SYT1: variants seen among roughly 807,000 people sequenced by gnomAD.
SYT1 encodes the protein synaptotagmin-1.
Under a neutral mutation model 44.8 loss-of-function variants are expected in SYT1, and 8 were observed. The ratio of observed to expected loss-of-function variants is 0.18; its 90% CI spans 0.10 to 0.32. The LOEUF (loss-of-function observed/expected upper bound fraction) is 0.32, where lower values mean the gene tolerates loss of function less well. Ranked by LOEUF, SYT1 falls within the 10% of genes least tolerant of loss-of-function variation. The pLI is 1.00. For synonymous variants in SYT1, 154 were observed against 188.8 expected (o/e 0.82, Z 1.51); for missense variants, 286 against 509.3 (o/e 0.56, Z 4.22).
chr12:79,180,813 T>C (rs1194106165), intron 3 of SYT1, among the ~76,000 whole-genome samples: 2 of 152,038 alleles, frequency 1.3e-5, no homozygotes, highest in Non-Finnish European at 2.9e-5. Context: ...TTGGGTGATA[T>C]GGTTTGGCTG....
At chr12:78,947,827 G>A (rs1310739307) in intron 1 of SYT1, among the ~76,000 whole-genome samples, 5 of 151,094 alleles carry the variant, frequency 3.3e-5, no homozygotes, top group African/African-American at 1.2e-4. Context: ...TAAAAAGGTT[G>A]AGTCTCTACA....
intron 9 of SYT1, among the ~76,000 whole-genome samples, chr12:79,370,887 T>G (rs1308692387): frequency 6.6e-6 from 1 of 152,152 alleles, no homozygotes; most frequent in Non-Finnish European, 1.5e-5. Flanking sequence ...TTCTAAAGTT[T>G]CATTTTAAAA....
At chr12:78,908,222 T>A (rs1240168436) in intron 1 of SYT1, among the ~76,000 whole-genome samples, 1 of 151,958 alleles carries the variant, frequency 6.6e-6, no homozygotes, top group Non-Finnish European at 1.5e-5. Flanking sequence ...AGTTTCCTCA[T>A]ATCCACAATC....
At chr12:79,044,686 TGGA>T (rs1199422098) in intron 2 of SYT1, among the ~76,000 whole-genome samples, 1 of 150,578 alleles carries the variant, frequency 6.6e-6, no homozygotes, top group African/African-American at 2.5e-5. Flanking sequence ...TGCGTTCCTT[TGGA>T]GGAGGAGAGG....
chr12:79,020,764 TTAAA>T (rs1418908024), intron 2 of SYT1, among the ~76,000 whole-genome samples: 1 of 151,924 alleles, frequency 6.6e-6, no homozygotes. Context: ...ATTCTAATGT[TTAAA>T]TAGCATTTAC....
intron 3 of SYT1, among the ~76,000 whole-genome samples, chr12:79,102,273 TC>T (rs1426571165): frequency 3.2e-4 from 34 of 106,928 alleles, no homozygotes; most frequent in African/African-American, 1.2e-3. Context: ...TCTCTCTTTC[TC>T]TCTCTCTCTC....
intron 1 of SYT1, among the ~76,000 whole-genome samples, chr12:78,958,317 G>GA (rs1879320227): frequency 6.6e-6 from 1 of 150,804 alleles, no homozygotes; most frequent in Admixed American, 6.6e-5. Context: ...TCCTTGCCAT[G>GA]TTTTTTTTTC....
At chr12:78,941,549 T>C (rs1878377550) in intron 1 of SYT1, among the ~76,000 whole-genome samples, 1 of 152,210 alleles carries the variant, frequency 6.6e-6, no homozygotes, top group Non-Finnish European at 1.5e-5. Context: ...AGAGAGCTTT[T>C]AATCAATAGT....
At chr12:79,300,824 T>TA (rs1565897853) in intron 8 of SYT1, among the ~76,000 whole-genome samples, 4 of 138,614 alleles carry the variant, frequency 2.9e-5, no homozygotes, top group African/African-American at 5.5e-5. Flanking sequence ...TATATATATA[T>TA]TTACTGTCTC....
At chr12:78,865,407 C>CT (rs1302858791) in intron 1 of SYT1, among the ~76,000 whole-genome samples, 1 of 152,098 alleles carries the variant, frequency 6.6e-6, no homozygotes, top group Non-Finnish European at 1.5e-5. Flanking sequence ...CAATCTCAAT[C>CT]TTTTCTCTCT....
intron 4 of SYT1, among the ~76,000 whole-genome samples, chr12:79,269,423 C>T (rs1878302829): frequency 6.6e-6 from 1 of 152,048 alleles, no homozygotes; most frequent in Admixed American, 6.6e-5. Context: ...GAAAGGGAAC[C>T]ATCCTTTCTG....
intron 8 of SYT1, among the ~76,000 whole-genome samples, chr12:79,301,583 G>A (rs1410512296): frequency 6.6e-6 from 1 of 152,038 alleles, no homozygotes; most frequent in Non-Finnish European, 1.5e-5. Flanking sequence ...TCTGGCATAT[G>A]GTAAATGTTC....
chr12:79,215,437 A>G (rs931976636), intron 3 of SYT1, among the ~76,000 whole-genome samples: 2 of 152,234 alleles, frequency 1.3e-5, no homozygotes, highest in Non-Finnish European at 2.9e-5. Context: ...ATTTTACAAA[A>G]GAAGAAACTG....
intron 3 of SYT1, among the ~76,000 whole-genome samples, chr12:79,073,934 C>T (rs1876463350): frequency 6.6e-6 from 1 of 152,060 alleles, no homozygotes; most frequent in South Asian, 2.1e-4. Context: ...TTAATTCAGG[C>T]CTTATTTACC....
At chr12:79,416,063 G>C (rs1375736316) in intron 9 of SYT1, among the ~76,000 whole-genome samples, 1 of 152,168 alleles carries the variant, frequency 6.6e-6, no homozygotes, top group Non-Finnish European at 1.5e-5. Context: ...GTTTTAGCTT[G>C]TGGGAGTGTA....
chr12:79,359,122 C>T lies in SYT1; in HGVS notation c.928+5503C>T, dbSNP rs1392082239. On this transcript the variant is annotated intron_variant, in intron 9 of 10. Coordinates refer to ENST00000261205, the MANE Select transcript of SYT1 (RefSeq NM_005639.3). The stretch of plus-strand genomic sequence containing the variant: ...ACTGCTAGTAGCCATGGCAAATCAA[C>T]AAGGGTAAAAAGTGTGCAGTTCTGC... Among the ~76,000 whole-genome samples, 11 of 152,154 alleles carry T rather than the reference C, an allele frequency of 7.2e-5. 1 individual carries two copies.
intron 9 of SYT1, among the ~76,000 whole-genome samples, chr12:79,376,125 T>C (rs1883985318): frequency 6.6e-6 from 1 of 152,228 alleles, no homozygotes; most frequent in African/African-American, 2.4e-5. Flanking sequence ...AGAAACTTTC[T>C]TAATCTAAAT....
chr12:79,156,150 G>A (rs1473586570), intron 3 of SYT1, among the ~76,000 whole-genome samples: 2 of 152,112 alleles, frequency 1.3e-5, no homozygotes, highest in East Asian at 3.9e-4. Flanking sequence ...CATTTTACAA[G>A]TGACAAAACC....
chr12:78,922,858 G>A (rs551127771), intron 1 of SYT1, among the ~76,000 whole-genome samples: 1 of 151,872 alleles, frequency 6.6e-6, no homozygotes, highest in Non-Finnish European at 1.5e-5. Context: ...TACTATTACT[G>A]TTCCCATTAA....
Sources: gnomAD v4.1 joint callset for allele counts (sites outside exome capture counted in the v4.1 genomes callset) on GRCh38, gnomAD v4.1.1 for gene constraint, MANE v1.5 for transcripts, NCBI Gene and HGNC (gene_info 2026-07-23, HGNC 2026-07-21) for gene names.